LRRC4C: variants seen among roughly 807,000 people sequenced by gnomAD.
LRRC4C encodes leucine-rich repeat-containing protein 4C.
Under a neutral mutation model 33.6 loss-of-function variants are expected in LRRC4C, and 5 were observed. The ratio of observed to expected loss-of-function variants is 0.15; its 90% CI spans 0.08 to 0.31. The LOEUF (loss-of-function observed/expected upper bound fraction) is 0.31. Ranked by LOEUF, LRRC4C falls within the 10% of genes least tolerant of loss-of-function variation. The pLI, the probability that LRRC4C is intolerant of heterozygous loss-of-function variation, is 1.00. For missense variants in LRRC4C, 560 were observed against 796.7 expected (o/e 0.70, Z 3.58); for synonymous variants, 329 against 302.0 (o/e 1.09, Z -0.93).
At chr11:41,359,439 G>A (rs1028517982) in intron 1 of LRRC4C, among the ~76,000 whole-genome samples, 1 of 145,560 alleles carries the variant, frequency 6.9e-6, no homozygotes, top group Middle Eastern at 3.3e-3. Flanking sequence ...ACATAAATAT[G>A]AGGACAGGGG....
chr11:40,359,072 A>G (rs1947822869), intron 3 of LRRC4C, among the ~76,000 whole-genome samples: 1 of 151,986 alleles, frequency 6.6e-6, no homozygotes, highest in Admixed American at 6.6e-5. Context: ...TTGTTTAGGG[A>G]AAAAAAAGGA....
intron 1 of LRRC4C, among the ~76,000 whole-genome samples, chr11:41,211,203 A>C (rs1946806971): frequency 6.6e-6 from 1 of 152,192 alleles, no homozygotes; most frequent in Non-Finnish European, 1.5e-5. Context: ...GAGGAGTTAT[A>C]AAATTTTTAT....
intron 2 of LRRC4C, among the ~76,000 whole-genome samples, chr11:40,847,767 C>T (rs1422895099): frequency 4.2e-5 from 6 of 141,182 alleles, no homozygotes; most frequent in South Asian, 2.3e-4. Context: ...GCTGTAAATC[C>T]GTTTGGTCCT....
At chr11:40,439,788 A>C (rs1427450285) in intron 3 of LRRC4C, among the ~76,000 whole-genome samples, 1 of 152,126 alleles carries the variant, frequency 6.6e-6, no homozygotes, top group Non-Finnish European at 1.5e-5. Flanking sequence ...AGTAGTTACT[A>C]CTACTAACAT....
At chr11:40,616,717 A>G (rs1207085097) in intron 3 of LRRC4C, among the ~76,000 whole-genome samples, 2 of 151,894 alleles carry the variant, frequency 1.3e-5, no homozygotes, top group Non-Finnish European at 1.5e-5. Context: ...CAATGAGAAC[A>G]CATGAACACA....
At chr11:40,396,270 T>C (rs1228169296) in intron 3 of LRRC4C, among the ~76,000 whole-genome samples, 1 of 152,178 alleles carries the variant, frequency 6.6e-6, no homozygotes, top group Non-Finnish European at 1.5e-5. Flanking sequence ...CACATGTCTC[T>C]AGACACCTTG....
At chr11:40,530,884 A>G (rs1956244532) in intron 3 of LRRC4C, among the ~76,000 whole-genome samples, 1 of 152,096 alleles carries the variant, frequency 6.6e-6, no homozygotes, top group African/African-American at 2.4e-5. Flanking sequence ...AAGTGGAGGG[A>G]GGGGCTCTGT....
intron 1 of LRRC4C, among the ~76,000 whole-genome samples, chr11:41,313,991 G>T (rs1788803693): frequency 6.6e-6 from 1 of 152,018 alleles, no homozygotes; most frequent in East Asian, 1.9e-4. Context: ...GGGTATACTG[G>T]CCTTAAGAAA....
intron 2 of LRRC4C, among the ~76,000 whole-genome samples, chr11:40,659,425 C>G (rs1268979315): frequency 6.6e-6 from 1 of 152,104 alleles, no homozygotes; most frequent in Non-Finnish European, 1.5e-5. Context: ...GTCCTGAAGC[C>G]TGGGGTCCAG....
intron 4 of LRRC4C, among the ~76,000 whole-genome samples, chr11:40,251,106 C>T (rs1866754302): frequency 6.6e-6 from 1 of 152,120 alleles, no homozygotes; most frequent in African/African-American, 2.4e-5. Flanking sequence ...AAGACCAGAC[C>T]TTCCTAAGCA....
intron 1 of LRRC4C, among the ~76,000 whole-genome samples, chr11:41,220,255 T>C (rs1947242845): frequency 6.6e-6 from 1 of 152,120 alleles, no homozygotes; most frequent in Non-Finnish European, 1.5e-5. Flanking sequence ...AAGTGAAAAC[T>C]ATTATTATTT....
chr11:40,632,765 C>T (rs1963577663), intron 3 of LRRC4C, among the ~76,000 whole-genome samples: 1 of 152,148 alleles, frequency 6.6e-6, no homozygotes, highest in Non-Finnish European at 1.5e-5. Context: ...CGGTATGTGG[C>T]ACTTAGTGAG....
At chr11:40,471,245 A>G (rs755526024) in intron 3 of LRRC4C, among the ~76,000 whole-genome samples, 1 of 152,204 alleles carries the variant, frequency 6.6e-6, no homozygotes, top group Non-Finnish European at 1.5e-5. Flanking sequence ...ATTCTCAAAG[A>G]AAAGAATTTT....
chr11:40,984,797 A>C (rs572036235), intron 1 of LRRC4C, among the ~76,000 whole-genome samples: 1 of 150,160 alleles, frequency 6.7e-6, no homozygotes, highest in East Asian at 2.0e-4. Flanking sequence ...CTACTCACTG[A>C]TCCTGAGGCA....
chr11:40,909,013 A>G (rs938135461), intron 2 of LRRC4C, among the ~76,000 whole-genome samples: 1 of 152,166 alleles, frequency 6.6e-6, no homozygotes, highest in Non-Finnish European at 1.5e-5. Context: ...TACTATATGA[A>G]CGGTTAATGC....
intron 3 of LRRC4C, among the ~76,000 whole-genome samples, chr11:40,548,853 C>G (rs1465767651): frequency 6.6e-6 from 1 of 152,006 alleles, no homozygotes; most frequent in Non-Finnish European, 1.5e-5. Flanking sequence ...GCATGTACTC[C>G]CTGTACCCAC....
chr11:40,612,964 A>AT (rs1961385181), intron 3 of LRRC4C, among the ~76,000 whole-genome samples: 1 of 151,932 alleles, frequency 6.6e-6, no homozygotes, highest in Admixed American at 6.6e-5. Context: ...TTAAAAAATA[A>AT]TGTGCATACC....
At chr11:40,324,607 G>A (rs1018867930) in intron 3 of LRRC4C, among the ~76,000 whole-genome samples, 2 of 152,176 alleles carry the variant, frequency 1.3e-5, no homozygotes, top group African/African-American at 4.8e-5. Context: ...ACAGAGTAAT[G>A]AACAGGCTAG....
intron 3 of LRRC4C, among the ~76,000 whole-genome samples, chr11:40,486,080 C>A (rs1439185644): frequency 6.7e-6 from 1 of 149,360 alleles, no homozygotes; most frequent in Admixed American, 6.7e-5. Context: ...ATAATCTATA[C>A]AATAAACCCC....
Sources: gnomAD v4.1 joint callset for allele counts (sites outside exome capture counted in the v4.1 genomes callset) on GRCh38, gnomAD v4.1.1 for gene constraint, MANE v1.5 for transcripts, NCBI Gene and HGNC (gene_info 2026-07-23, HGNC 2026-07-21) for gene names.